The following USP32 variants were observed in gnomAD, a reference collection of about 807,000 sequenced individuals.
The protein encoded by USP32 is ubiquitin carboxyl-terminal hydrolase 32.
In USP32, 59 loss-of-function variants were observed where a neutral mutation model predicts 204.8. The ratio of observed to expected loss-of-function variants is 0.29; its 90% CI spans 0.23 to 0.36. The LOEUF (loss-of-function observed/expected upper bound fraction) is 0.36, where lower values mean the gene tolerates loss of function less well. USP32 is among the 10% of genes least tolerant of loss of function. The pLI is 1.00. For missense variants in USP32, 1,160 were observed against 1,946.4 expected, an observed-to-expected ratio of 0.60 and a Z score of 7.60; for synonymous variants, 517 against 678.4, an observed-to-expected ratio of 0.76 and a Z score of 3.70.
At chr17:60,324,886 C>T (rs979516640) in intron 2 of USP32, among the ~76,000 whole-genome samples, 1 of 152,004 alleles carries the variant, frequency 6.6e-6, no homozygotes, top group African/African-American at 2.4e-5. Context: ...GCCTGTAATC[C>T]CAGCTACTCA....
chr17:60,266,203 T>C, intron 7 of USP32, 112 bp from the exon 8 acceptor site: 1 of 740,252 alleles, frequency 1.4e-6, no homozygotes, highest in Non-Finnish European at 2.3e-6. Flanking sequence ...CAAGTATATG[T>C]ATTCTGGAAC....
chr17:60,363,281 C>G (rs150415095), intron 1 of USP32, among the ~76,000 whole-genome samples: 1,819 of 151,756 alleles, frequency 0.012, 28 homozygotes, highest in African/African-American at 0.041. Flanking sequence ...ACGATGAAAC[C>G]CCGTCTCTAC....
chr17:60,389,329 GT>G (rs1226440185), intron 1 of USP32, among the ~76,000 whole-genome samples: 2 of 151,862 alleles, frequency 1.3e-5, no homozygotes, highest in African/African-American at 4.8e-5. Flanking sequence ...ATCACCTGTG[GT>G]TGAGAGTTTG....
chr17:60,214,399 A>G (rs180896740), intron 17 of USP32, among the ~76,000 whole-genome samples: 4 of 152,018 alleles, frequency 2.6e-5, no homozygotes, highest in Non-Finnish European at 5.9e-5. Flanking sequence ...TTAAAAGATG[A>G]ACTTTTCACT....
chr17:60,374,194 A>AT (rs1780933008), intron 1 of USP32, among the ~76,000 whole-genome samples: 1 of 151,938 alleles, frequency 6.6e-6, no homozygotes, highest in Admixed American at 6.6e-5. Context: ...CAAAAAAAAA[A>AT]GAAAAAAGAC....
intron 11 of USP32, among the ~76,000 whole-genome samples, chr17:60,238,852 G>T (rs1166458740): frequency 6.6e-6 from 1 of 151,804 alleles, no homozygotes; most frequent in Non-Finnish European, 1.5e-5. Context: ...CACGCCTGTG[G>T]TCCCAGCTAC....
At chr17:60,390,977 T>G (rs1567892746) in intron 1 of USP32, among the ~76,000 whole-genome samples, 1 of 152,180 alleles carries the variant, frequency 6.6e-6, no homozygotes, top group Non-Finnish European at 1.5e-5. Flanking sequence ...CCAGTTAGTG[T>G]GTGCTTTAGT....
rs147518129 is a variant in USP32 at position 60,315,072 on chromosome 17, A to G, written c.187-13368T>C. Among the ~76,000 whole-genome samples, 342 of 152,340 alleles carry G rather than the reference A, an allele frequency of 2.2e-3. 6 individuals carry two copies. The highest frequency in any genetic ancestry group is 0.019 in the East Asian group (98 of 5,186). On this transcript the variant is annotated intron_variant, in intron 2 of 33. Transcript: ENST00000300896. ...AAATGCAAATCAAAACCACAATGAC[A>G]TACCACTTCACACCTACAAGAACGG...
chr17:60,413,116 A>G (rs2090030989), intron 1 of USP32, among the ~76,000 whole-genome samples: 3 of 152,244 alleles, frequency 2.0e-5, no homozygotes, highest in African/African-American at 7.2e-5. Context: ...GATAAGAGTG[A>G]AGAAAATAGT....
intron 12 of USP32, among the ~76,000 whole-genome samples, chr17:60,226,585 T>G (rs1010703834): frequency 2.0e-5 from 3 of 152,196 alleles, no homozygotes; most frequent in African/African-American, 4.8e-5. Flanking sequence ...ATAATTTTTT[T>G]ATTATTAAAG....
In USP32 at chr17:60,316,302, G is replaced by C. The variant is rs182619986; in HGVS notation, c.187-14598C>G. Reference sequence around the variant, plus strand: ...CTGTTACTGGTAGTTCTGAACCCTAGATTTTTTTTTCCCCATGGGGTGAAA... The same window carrying C: ...CTGTTACTGGTAGTTCTGAACCCTACATTTTTTTTTCCCCATGGGGTGAAA... On this transcript the variant is annotated intron_variant, in intron 2 of 33. Transcript: ENST00000300896. 1,114 of 156,530 alleles carry C rather than the reference G, an allele frequency of 7.1e-3. 9 individuals carry two copies. The highest frequency in any genetic ancestry group is 0.012 in the Non-Finnish European group (866 of 71,368). 9.7% of individuals were successfully genotyped at this position (156,530 alleles called of 1,614,324 possible).
At chr17:60,390,941 G>A (rs2089823527) in intron 1 of USP32, among the ~76,000 whole-genome samples, 1 of 152,276 alleles carries the variant, frequency 6.6e-6, no homozygotes, top group East Asian at 1.9e-4. Flanking sequence ...AGACATTCCG[G>A]CCATAAACTG....
chr17:60,195,572 A>G (rs1246409865), intron 27 of USP32, among the ~76,000 whole-genome samples: 1 of 152,170 alleles, frequency 6.6e-6, no homozygotes. Context: ...TCCTGGCCTC[A>G]AGTGATTCTC....
At chr17:60,243,585 G>A (rs1422152156) in intron 11 of USP32, among the ~76,000 whole-genome samples, 3 of 152,186 alleles carry the variant, frequency 2.0e-5, no homozygotes, top group Admixed American at 6.5e-5. Flanking sequence ...ACACTGAAAT[G>A]TGAATTTTAT....
intron 1 of USP32, among the ~76,000 whole-genome samples, chr17:60,399,449 GT>G (rs1459374227): frequency 1.3e-5 from 2 of 151,966 alleles, no homozygotes; most frequent in African/African-American, 4.8e-5. Flanking sequence ...GAGTCCAGGA[GT>G]TTGAGACCAG....
At chr17:60,284,170 T>C (rs555601115) in intron 5 of USP32, among the ~76,000 whole-genome samples, 1 of 151,868 alleles carries the variant, frequency 6.6e-6, no homozygotes, top group East Asian at 1.9e-4. Flanking sequence ...AAACAATCAA[T>C]GTACAGGAAT....
intron 30 of USP32, among the ~76,000 whole-genome samples, chr17:60,185,058 A>T (rs1183960026): frequency 6.6e-6 from 1 of 152,192 alleles, no homozygotes; most frequent in Non-Finnish European, 1.5e-5. Flanking sequence ...CCACATGATT[A>T]TGTGCAGTGG....
intron 13 of USP32, among the ~76,000 whole-genome samples, chr17:60,225,601 C>A (rs530967730): frequency 3.3e-5 from 5 of 152,230 alleles, no homozygotes; most frequent in African/African-American, 9.6e-5. Context: ...TTAATGGAAG[C>A]CTGATCTCCT....
upstream of USP32, among the ~76,000 whole-genome samples, chr17:60,394,281 G>A (rs960382776): frequency 6.6e-6 from 1 of 152,168 alleles, no homozygotes; most frequent in African/African-American, 2.4e-5. Flanking sequence ...TTTTATGAAA[G>A]GGCCCAGCTG....
Sources: gnomAD v4.1 joint callset for allele counts (sites outside exome capture counted in the v4.1 genomes callset) on GRCh38, gnomAD v4.1.1 for gene constraint, MANE v1.5 for transcripts, NCBI Gene and HGNC (gene_info 2026-07-23, HGNC 2026-07-21) for gene names.